Variants in MECR observed in about 807,000 individuals in gnomAD.
MECR encodes the protein enoyl-[acyl-carrier-protein] reductase, mitochondrial.
In MECR, 37 loss-of-function variants were observed where a neutral mutation model predicts 49.1. That is an observed-to-expected ratio of 0.75 (90% CI 0.58 to 0.99). MECR has a LOEUF of 0.99. MECR is among the 50% of genes least tolerant of loss of function. The pLI is 0.00. For missense variants in MECR, 470 were observed against 479.6 expected (o/e 0.98, Z 0.19); for synonymous variants, 198 against 191.1 (o/e 1.04, Z -0.30).
the MECR span, chr1:29,170,411 G>A: frequency 6.6e-6 from 1 of 152,168 alleles, no homozygotes; most frequent in Non-Finnish European, 1.5e-5. Context: ...AACAAAACCA[G>A]TTCATACTTA....
intron 5 of MECR, 103 bp from the exon 6 acceptor site, chr1:29,202,148 C>T: frequency 9.9e-7 from 1 of 1,006,348 alleles, no homozygotes; most frequent in Non-Finnish European, 1.5e-6. Flanking sequence ...CTTCTTTTTG[C>T]AGGAAGCTGG....
chr1:29,206,874 C>T lies in MECR; in HGVS notation c.438G>A (p.Glu146=), dbSNP rs1301937662. The T allele has an allele frequency of 6.2e-7, 1 of 1,614,162 alleles. No homozygotes were observed. The highest frequency in any genetic ancestry group is 8.5e-7 in the Non-Finnish European group (1 of 1,180,016). The change falls in exon 4 of 10, where the codon GAG becomes GAA. Residue 146 remains glutamate (E), a synonymous_variant. Transcript: ENST00000263702. ...CACTCGGAACTTGGATCAGTGCTTC[C>T]TCGCTGAACACAGCCTCGGTCCGCC... ...GTWRTEAVFS[E]EALIQVPSDI...
the MECR span, among the ~76,000 whole-genome samples, chr1:29,175,694 CAAAAAAAAAAAAA>C: frequency 1.3e-4 from 5 of 38,588 alleles, no homozygotes; most frequent in South Asian, 2.2e-3. Context: ...GACGCTGTCT[CAAAAAAAAAAAAA>C]AAAAAAAAAA....
At chr1:29,224,196 T>A (rs970730848) in intron 1 of MECR, 2 of 152,180 alleles carry the variant, frequency 1.3e-5, no homozygotes, top group African/African-American at 2.4e-5. Flanking sequence ...AGTCTGTCAC[T>A]CAACTTGCTG....
chr1:29,174,043 G>C, the MECR span, among the ~76,000 whole-genome samples: 130 of 151,726 alleles, frequency 8.6e-4, 2 homozygotes, highest in East Asian at 0.017. Context: ...ACAAAAATTA[G>C]CGGGGTGTGG....
At chr1:29,173,136 T>A in the MECR span, 1 of 104,182 alleles carries the variant, frequency 9.6e-6, no homozygotes, top group Non-Finnish European at 1.9e-5. Context: ...AAGGCTTTTT[T>A]TTTTTTTTTT....
chr1:29,204,012 G>A (rs1675952164), intron 4 of MECR, among the ~76,000 whole-genome samples: 1 of 152,196 alleles, frequency 6.6e-6, no homozygotes, highest in Non-Finnish European at 1.5e-5. Context: ...ATCTGGGCAT[G>A]AGTCTCAGTT....
rs1449630402 is a variant in MECR at position 29,205,161 on chromosome 1, TC to T, written c.550+1600del. On this transcript the variant is annotated intron_variant, in intron 4 of 9. Transcript: ENST00000263702. ...GAAAACTGGCCCAGCCTCTCATCAT[TC>T]AAGGGTTAGTTTTTGTTTTGTTTTG... is the stretch of plus-strand genomic sequence containing the variant. Among the ~76,000 whole-genome samples the T allele has an allele frequency of 2.6e-5, 4 of 151,346 alleles. No individual in the cohort carries two copies. In the East Asian group the frequency reaches 7.8e-4, roughly 29 times the overall value.
At chr1:29,214,571 A>G (rs1678879721) in intron 3 of MECR, among the ~76,000 whole-genome samples, 1 of 144,194 alleles carries the variant, frequency 6.9e-6, no homozygotes, top group South Asian at 2.3e-4. Flanking sequence ...CATGTTGGCC[A>G]GGCTAGTCTT....
At chr1:29,168,102 G>A in the MECR span, among the ~76,000 whole-genome samples, 1 of 150,590 alleles carries the variant, frequency 6.6e-6, no homozygotes, top group Non-Finnish European at 1.5e-5. Flanking sequence ...TGCAACCTCT[G>A]ACCCTGGGCT....
rs1430257454 is a variant in MECR at position 29,203,176 on chromosome 1, A to G, written c.608T>C (p.Ile203Thr). The stretch of plus-strand genomic sequence containing the variant: ...GGTTCTTAGGCCCAGGGCTGCGGCG[A>G]TCTGGATGACTGCTTGCCCCACTCC... ...NSGVGQAVIQ[I>T]AAALGLRTIN... is the part of the protein sequence containing the mutation. The change falls in exon 5 of 10, where the codon ATC (isoleucine) becomes ACC (threonine). Residue 203 changes from isoleucine (I) to threonine (T), a missense_variant. By Grantham distance (89) the Ile-to-Thr change is moderately conservative. Transcript: ENST00000263702. 1 of 1,586,880 alleles carries G rather than the reference A, an allele frequency of 6.3e-7. No individual in the cohort carries two copies. Among genetic ancestry groups the G allele is most frequent in the Non-Finnish European group, 8.6e-7 (1 of 1,162,998 alleles).
the MECR span, among the ~76,000 whole-genome samples, chr1:29,176,901 G>C: frequency 6.6e-6 from 1 of 152,182 alleles, no homozygotes; most frequent in South Asian, 2.1e-4. Context: ...AGTTTCCCTT[G>C]AGAGTTTTAA....
chr1:29,218,403 A>G (rs937326547), intron 1 of MECR, among the ~76,000 whole-genome samples: 17 of 152,170 alleles, frequency 1.1e-4, no homozygotes, highest in African/African-American at 3.4e-4. Flanking sequence ...TGCATTTATT[A>G]AGTAGTAATT....
At chr1:29,175,722 A>C in the MECR span, among the ~76,000 whole-genome samples, 26 of 150,558 alleles carry the variant, frequency 1.7e-4, no homozygotes, top group East Asian at 4.8e-3. Context: ...AAAAAAAAAA[A>C]ATTTCCAATT....
At position 29,203,181 on chromosome 1, in the gene MECR, G is replaced by A. The variant is rs1675747788; in HGVS notation, c.603C>T (p.Ile201=). 1 of 1,587,238 alleles carries A rather than the reference G, an allele frequency of 6.3e-7. No homozygotes were observed. Among genetic ancestry groups the A allele is most frequent in the Non-Finnish European group, 8.6e-7 (1 of 1,163,220 alleles). ...ASNSGVGQAV[I]QIAAALGLRT... Reference sequence around the variant, plus strand: ...TTAGGCCCAGGGCTGCGGCGATCTGGATGACTGCTTGCCCCACTCCGCTGT... The same window carrying A: ...TTAGGCCCAGGGCTGCGGCGATCTGAATGACTGCTTGCCCCACTCCGCTGT... The change falls in exon 5 of 10, where the codon ATC becomes ATT. Residue 201 remains isoleucine, a synonymous_variant. Coordinates refer to ENST00000263702, the MANE Select transcript of MECR (RefSeq NM_016011.5).
At chr1:29,216,308 G>A (rs1434270861) in intron 2 of MECR, among the ~76,000 whole-genome samples, 172 bp from the exon 3 acceptor site, 2 of 152,196 alleles carry the variant, frequency 1.3e-5, no homozygotes, top group African/African-American at 4.8e-5. Context: ...ATTCTTTAGT[G>A]TTCATGGTTA....
intron 3 of MECR, among the ~76,000 whole-genome samples, chr1:29,210,173 G>A (rs1449746984): frequency 6.6e-6 from 1 of 152,070 alleles, no homozygotes. Flanking sequence ...ACCACACCCG[G>A]CTAATTTTTT....
At chr1:29,214,864 T>C (rs1678976981) in intron 3 of MECR, among the ~76,000 whole-genome samples, 1 of 152,224 alleles carries the variant, frequency 6.6e-6, no homozygotes, top group South Asian at 2.1e-4. Flanking sequence ...GCTTCCCTCT[T>C]GTAGCTGCTG....
intron 3 of MECR, among the ~76,000 whole-genome samples, chr1:29,212,292 G>A (rs1475463727): frequency 1.3e-5 from 2 of 152,102 alleles, no homozygotes; most frequent in African/African-American, 2.4e-5. Flanking sequence ...AGTGGTGGGC[G>A]CCTGTAGTCC....
Sources: gnomAD v4.1 joint callset for allele counts (sites outside exome capture counted in the v4.1 genomes callset) on GRCh38, gnomAD v4.1.1 for gene constraint, MANE v1.5 for transcripts, NCBI Gene and HGNC (gene_info 2026-07-23, HGNC 2026-07-21) for gene names.